Variants in MAP2 observed in about 807,000 individuals in gnomAD.
The protein encoded by MAP2 is microtubule associated protein 2.
MAP2 carries 14 observed loss-of-function variants against 137.6 expected under a neutral mutation model. The observed-to-expected ratio is 0.10, with a 90% CI of 0.07 to 0.16. MAP2 has a LOEUF of 0.16. MAP2 is among the 10% of genes least tolerant of loss of function. MAP2 has a pLI of 1.00. For synonymous variants in MAP2, 786 were observed against 782.3 expected, an observed-to-expected ratio of 1.00 and a Z score of -0.08; for missense variants, 2,088 against 2,191.5, an observed-to-expected ratio of 0.95 and a Z score of 0.94.
At chr2:209,443,379 T>C (rs974774043) in intron 1 of MAP2, among the ~76,000 whole-genome samples, 1 of 151,692 alleles carries the variant, frequency 6.6e-6, no homozygotes. Context: ...TACTATGTAC[T>C]GAATAATTAT....
chr2:209,664,855 G>C (rs2045510416), intron 5 of MAP2, among the ~76,000 whole-genome samples: 1 of 150,900 alleles, frequency 6.6e-6, no homozygotes, highest in Non-Finnish European at 1.5e-5. Context: ...AGTTACTCAG[G>C]AGGCTGAGGC....
intron 13 of MAP2, among the ~76,000 whole-genome samples, chr2:209,713,784 T>A (rs1268033349): frequency 6.6e-6 from 1 of 152,236 alleles, no homozygotes; most frequent in Non-Finnish European, 1.5e-5. Flanking sequence ...TTTTGCCTTT[T>A]CTATCTAATA....
At chr2:209,575,204 A>G (rs1191202285) in intron 2 of MAP2, among the ~76,000 whole-genome samples, 1 of 152,160 alleles carries the variant, frequency 6.6e-6, no homozygotes, top group Non-Finnish European at 1.5e-5. Context: ...AATAGAAATT[A>G]TAAAACATAT....
In MAP2 at chr2:209,582,666, GATAGATA is replaced by G. The variant is rs1189533816; in HGVS notation, c.-107+2567_-107+2573del. On this transcript the variant is annotated intron_variant, in intron 3 of 15. Coordinates refer to ENST00000682079, the MANE Select transcript of MAP2 (RefSeq NM_001375505.1). Reference sequence around the variant, plus strand: ...TAGATAGATAGATAGATGATAGATAGATAGATAGATAGATAGATAGATAGATAGATAG... The same window carrying G: ...TAGATAGATAGATAGATGATAGATAGGATAGATAGATAGATAGATAGATAG... Among the ~76,000 whole-genome samples, 13 of 24,300 alleles carry G rather than the reference GATAGATA, an allele frequency of 5.3e-4. No homozygotes were observed. In the East Asian group the frequency reaches 0.028, roughly 52 times the overall value. The allele number at this position is 24,300 out of a possible 152,430, so 15.9% of individuals were successfully genotyped here. A position where few individuals can be genotyped will look rare whatever the true frequency, so the allele number is the denominator to read the frequency against.
chr2:209,670,072 G>T (rs2048128519), intron 5 of MAP2, among the ~76,000 whole-genome samples: 1 of 151,924 alleles, frequency 6.6e-6, no homozygotes, highest in Admixed American at 6.6e-5. Flanking sequence ...ACATTTCAAA[G>T]TTCCAAAAGT....
chr2:209,607,804 G>A (rs376058915), intron 3 of MAP2, among the ~76,000 whole-genome samples: 3 of 152,148 alleles, frequency 2.0e-5, no homozygotes, highest in African/African-American at 7.2e-5. Flanking sequence ...CCAGTGAGGG[G>A]TACCCCTTTT....
intron 1 of MAP2, among the ~76,000 whole-genome samples, chr2:209,498,887 G>A (rs529452582): frequency 3.9e-5 from 6 of 152,156 alleles, no homozygotes; most frequent in East Asian, 1.9e-4. Flanking sequence ...TGCCATGAAG[G>A]TCTCTGAAAT....
intron 11 of MAP2, chr2:209,704,702 G>A: frequency 7.7e-7 from 1 of 1,294,756 alleles, no homozygotes; most frequent in Non-Finnish European, 1.0e-6. Context: ...TTCAGGAAAT[G>A]TATGAAAGCA....
Position 209,694,508 on chromosome 2 carries a change from A to T in MAP2, c.2338A>T (p.Thr780Ser), listed in dbSNP as rs771516717. ...AGTAAAAGCTACTGGAGAAGAAAGT[A>T]CTCAAGCGGAGATATCATGTGAGTC... ...EKVKATGEES[T>S]QAEISCESPF... The change falls in exon 8 of 16, where the codon ACT becomes TCT. Residue 780 changes from threonine to serine, a missense_variant. Coordinates refer to ENST00000682079, the MANE Select transcript of MAP2 (RefSeq NM_001375505.1). The T allele has an allele frequency of 6.2e-7, 1 of 1,614,080 alleles. No homozygotes were observed. Among genetic ancestry groups the T allele is most frequent in the South Asian group, 1.1e-5 (1 of 91,080 alleles).
At chr2:209,589,530 C>T (rs769483138) in intron 3 of MAP2, among the ~76,000 whole-genome samples, 10 of 152,048 alleles carry the variant, frequency 6.6e-5, no homozygotes, top group Non-Finnish European at 1.3e-4. Context: ...AGTGGATTGC[C>T]CTACCTTAAA....
chr2:209,696,776 A>G, intron 9 of MAP2, 28 bp downstream of exon 9: 1 of 1,587,424 alleles, frequency 6.3e-7, no homozygotes. Flanking sequence ...TTCTTTAAAA[A>G]TGTTTTTGAA....
chr2:209,570,930 A>G (rs2074296321), intron 2 of MAP2, among the ~76,000 whole-genome samples: 1 of 151,930 alleles, frequency 6.6e-6, no homozygotes, highest in Non-Finnish European at 1.5e-5. Context: ...TGCTTCACAC[A>G]AATACTTTCA....
chr2:209,694,950 A>G lies in MAP2; in HGVS notation c.2780A>G (p.Asp927Gly), dbSNP rs2059819524. The G allele has an allele frequency of 2.5e-6, 4 of 1,614,184 alleles. No individual in the cohort carries two copies. The highest frequency in any genetic ancestry group is 2.2e-5 in the South Asian group (2 of 91,084). The part of the protein sequence containing the change: ...VKLAAAGRVK[D>G]EFSVDKEASA... The stretch of plus-strand genomic sequence containing the variant: ...CTGGCAGCAGCCGGAAGAGTCAAAG[A>G]TGAGTTCAGTGTTGACAAAGAAGCA... The change falls in exon 8 of 16, where the codon GAT becomes GGT. Residue 927 changes from aspartate to glycine, a missense_variant. Asp to Gly is a moderately conservative substitution (Grantham distance 94). Transcript: ENST00000682079.
At chr2:209,502,181 A>G (rs2060461941) in intron 1 of MAP2, among the ~76,000 whole-genome samples, 1 of 152,152 alleles carries the variant, frequency 6.6e-6, no homozygotes, top group African/African-American at 2.4e-5. Flanking sequence ...CATGCTATAC[A>G]TTAGACCTCT....
chr2:209,583,431 A>G (rs1235471950), intron 3 of MAP2, among the ~76,000 whole-genome samples: 1 of 152,124 alleles, frequency 6.6e-6, no homozygotes, highest in Non-Finnish European at 1.5e-5. Flanking sequence ...TAGAGAATCC[A>G]AGTGCTAAAT....
chr2:209,635,825 T>C (rs2093508136), intron 4 of MAP2, among the ~76,000 whole-genome samples: 1 of 152,116 alleles, frequency 6.6e-6, no homozygotes, highest in Admixed American at 6.6e-5. Context: ...TAGGCGGCCA[T>C]TTAATAGAAT....
chr2:209,546,179 T>C (rs2068027761), intron 2 of MAP2, among the ~76,000 whole-genome samples: 1 of 152,108 alleles, frequency 6.6e-6, no homozygotes, highest in Non-Finnish European at 1.5e-5. Context: ...AAAAAAGAAA[T>C]GCACGCAACT....
At chr2:209,668,174 C>T (rs1559517208) in intron 5 of MAP2, among the ~76,000 whole-genome samples, 1 of 151,958 alleles carries the variant, frequency 6.6e-6, no homozygotes, top group Non-Finnish European at 1.5e-5. Context: ...TCATTGTCTT[C>T]AAGTAAAGAG....
intron 14 of MAP2, among the ~76,000 whole-genome samples, chr2:209,728,439 A>G (rs1015657866): frequency 6.6e-6 from 1 of 152,224 alleles, no homozygotes; most frequent in Non-Finnish European, 1.5e-5. Context: ...AAGGATAACT[A>G]CATCTCTAAG....
Sources: gnomAD v4.1 joint callset for allele counts (sites outside exome capture counted in the v4.1 genomes callset) on GRCh38, gnomAD v4.1.1 for gene constraint, MANE v1.5 for transcripts, NCBI Gene and HGNC (gene_info 2026-07-23, HGNC 2026-07-21) for gene names.